Variants in CHCHD6 observed in about 807,000 individuals in gnomAD.
CHCHD6 encodes the protein coiled-coil-helix-coiled-coil-helix domain containing 6, also known as MICOS complex subunit MIC25.
Under a neutral mutation model 32.3 loss-of-function variants are expected in CHCHD6, and 28 were observed. The observed-to-expected ratio is 0.87, with a 90% confidence interval of 0.64 to 1.19. CHCHD6 has a LOEUF of 1.19. Ranked by LOEUF, CHCHD6 falls within the 50% of genes most tolerant of loss-of-function variation. The pLI is 0.00. For synonymous variants in CHCHD6, 122 were observed against 117.5 expected, an observed-to-expected ratio of 1.04 and a Z score of -0.25; for missense variants, 333 against 307.0, an observed-to-expected ratio of 1.08 and a Z score of -0.63.
At chr3:126,746,493 C>T (rs1026884181) in intron 4 of CHCHD6, among the ~76,000 whole-genome samples, 7 of 152,144 alleles carry the variant, frequency 4.6e-5, no homozygotes, top group East Asian at 1.9e-4. Context: ...GCAGCAGTGG[C>T]GCTTGGTGTG....
chr3:126,946,449 A>C, intron 6 of CHCHD6, among the ~76,000 whole-genome samples: 1 of 152,220 alleles, frequency 6.6e-6, no homozygotes, highest in Non-Finnish European at 1.5e-5. Context: ...CTCACTAAGC[A>C]GCAGCCAGGG....
At chr3:126,871,896 A>T (rs2077477674) in intron 5 of CHCHD6, among the ~76,000 whole-genome samples, 1 of 151,926 alleles carries the variant, frequency 6.6e-6, no homozygotes, top group Admixed American at 6.5e-5. Flanking sequence ...CAATCTCCTG[A>T]CCTCATAATC....
intron 5 of CHCHD6, among the ~76,000 whole-genome samples, chr3:126,879,706 A>G (rs1236701341): frequency 6.6e-6 from 1 of 152,222 alleles, no homozygotes; most frequent in African/African-American, 2.4e-5. Flanking sequence ...GATATAGACT[A>G]TATTAGAAGA....
chr3:126,926,310 T>G (rs1370499162), intron 6 of CHCHD6, among the ~76,000 whole-genome samples: 1 of 152,220 alleles, frequency 6.6e-6, no homozygotes, highest in African/African-American at 2.4e-5. Context: ...GAACCTTGTT[T>G]TATTCATCTT....
At chr3:126,762,773 T>C (rs938426194) in intron 4 of CHCHD6, among the ~76,000 whole-genome samples, 1 of 152,220 alleles carries the variant, frequency 6.6e-6, no homozygotes, top group African/African-American at 2.4e-5. Flanking sequence ...ATATTTATAC[T>C]TGATATATCT....
rs78352040 is a variant in CHCHD6 at position 126,826,105 on chromosome 3, C to T, written c.412-26542C>T. Among the ~76,000 whole-genome samples, 413 of 152,284 alleles carry T rather than the reference C, an allele frequency of 2.7e-3. 3 individuals carry two copies. Among genetic ancestry groups the T allele is most frequent in the African/African-American group, 9.6e-3 (400 of 41,556 alleles). ...TTCCCCCTTCATCAAATGAAGTAGC[C>T]GGGTAAAGCCTTTATTTGAATGATT... On this transcript the variant is annotated intron_variant, in intron 4 of 7. Coordinates refer to ENST00000290913, the MANE Select transcript of CHCHD6 (RefSeq NM_032343.3).
At chr3:126,749,733 A>G (rs1263657102) in intron 4 of CHCHD6, among the ~76,000 whole-genome samples, 2 of 152,202 alleles carry the variant, frequency 1.3e-5, no homozygotes, top group African/African-American at 2.4e-5. Context: ...ATGTGAGTGC[A>G]TTCCCGTTTG....
chr3:126,780,329 T>A (rs1937873932), intron 4 of CHCHD6: 1 of 432,884 alleles, frequency 2.3e-6, no homozygotes, highest in Non-Finnish European at 4.6e-6. Context: ...TGTGGTTTTA[T>A]TTTTGAACAG....
At chr3:126,732,350 A>G (rs568886897) in intron 3 of CHCHD6, among the ~76,000 whole-genome samples, 19 of 152,042 alleles carry the variant, frequency 1.2e-4, no homozygotes, top group African/African-American at 2.4e-4. Context: ...ATATCTTGCT[A>G]TTTTCACTTA....
chr3:126,755,062 AGAG>A (rs1437129032), intron 4 of CHCHD6, among the ~76,000 whole-genome samples: 2 of 152,226 alleles, frequency 1.3e-5, no homozygotes, highest in African/African-American at 2.4e-5. Context: ...GGCCTGGAAA[AGAG>A]GAGGCCAGCT....
At chr3:126,941,955 C>T (rs1156989405) in intron 6 of CHCHD6, among the ~76,000 whole-genome samples, 1 of 152,174 alleles carries the variant, frequency 6.6e-6, no homozygotes, top group Non-Finnish European at 1.5e-5. Context: ...CTTTCTGGTC[C>T]AGGAATCTGT....
At chr3:126,807,229 G>C (rs923279471) in intron 4 of CHCHD6, among the ~76,000 whole-genome samples, 1 of 151,686 alleles carries the variant, frequency 6.6e-6, no homozygotes, top group East Asian at 1.9e-4. Context: ...AAAACATTCA[G>C]CCTCCATAGT....
At chr3:126,773,001 G>A (rs530869798) in intron 4 of CHCHD6, among the ~76,000 whole-genome samples, 1 of 152,084 alleles carries the variant, frequency 6.6e-6, no homozygotes, top group African/African-American at 2.4e-5. Flanking sequence ...TAGTTTGGCT[G>A]GATATGAAAT....
chr3:126,789,012 G>A (rs570309531), intron 4 of CHCHD6, among the ~76,000 whole-genome samples: 6 of 152,228 alleles, frequency 3.9e-5, no homozygotes, highest in African/African-American at 1.4e-4. Context: ...AGAGATTCTG[G>A]TGTGTTGTGT....
intron 4 of CHCHD6, among the ~76,000 whole-genome samples, chr3:126,806,217 A>C (rs1235779799): frequency 2.0e-5 from 3 of 152,108 alleles, no homozygotes; most frequent in Non-Finnish European, 4.4e-5. Flanking sequence ...TAATTAAACT[A>C]AAGAGCTTCT....
At chr3:126,868,932 T>G (rs1405965614) in intron 5 of CHCHD6, among the ~76,000 whole-genome samples, 2 of 152,226 alleles carry the variant, frequency 1.3e-5, no homozygotes, top group African/African-American at 4.8e-5. Context: ...ATAGAGGCTG[T>G]AGCAGCTCTC....
chr3:126,954,452 G>T (rs182440850), intron 6 of CHCHD6, among the ~76,000 whole-genome samples: 125 of 152,306 alleles, frequency 8.2e-4, no homozygotes, highest in South Asian at 2.1e-3. Context: ...GGCTCAGCAG[G>T]TCAGCCCTCC....
At chr3:126,745,223 A>G (rs953647311) in intron 4 of CHCHD6, among the ~76,000 whole-genome samples, 10 of 152,168 alleles carry the variant, frequency 6.6e-5, no homozygotes, top group African/African-American at 2.4e-4. Flanking sequence ...GAGGGACTGG[A>G]TGCTGGTCAG....
At chr3:126,869,025 T>C (rs1273135905) in intron 5 of CHCHD6, among the ~76,000 whole-genome samples, 1 of 152,216 alleles carries the variant, frequency 6.6e-6, no homozygotes, top group Non-Finnish European at 1.5e-5. Context: ...TTTAAGTTAA[T>C]TACTCATATA....
Sources: allele counts gnomAD v4.1 joint callset (sites outside exome capture counted in the v4.1 genomes callset), GRCh38; gene constraint gnomAD v4.1.1; transcripts MANE v1.5; gene names NCBI Gene and HGNC (gene_info 2026-07-23, HGNC 2026-07-21).